The following IQGAP2 variants were observed in gnomAD, a reference collection of about 807,000 sequenced individuals.
IQGAP2 encodes the protein ras GTPase-activating-like protein IQGAP2.
IQGAP2 carries 173 observed loss-of-function variants against 201.3 expected under a neutral mutation model. That is an observed-to-expected ratio of 0.86 (90% CI 0.76 to 0.98). IQGAP2 has a LOEUF of 0.98. IQGAP2 is among the 50% of genes least tolerant of loss of function. The probability of loss-of-function intolerance (pLI) is 0.00; values close to 1 mark genes in which losing one functional copy is unlikely to be tolerated. For synonymous variants in IQGAP2, 675 were observed against 673.9 expected, an observed-to-expected ratio of 1.00 and a Z score of -0.03; for missense variants, 1,687 against 1,864.8, an observed-to-expected ratio of 0.90 and a Z score of 1.76.
chr5:76,448,714 G>A (rs897708096), intron 1 of IQGAP2, among the ~76,000 whole-genome samples: 1 of 152,116 alleles, frequency 6.6e-6, no homozygotes, highest in Admixed American at 6.6e-5. Flanking sequence ...CATTCCCATG[G>A]GTGCAGCTCT....
chr5:76,584,110 T>G (rs971304734), intron 5 of IQGAP2, among the ~76,000 whole-genome samples: 5 of 152,120 alleles, frequency 3.3e-5, no homozygotes, highest in African/African-American at 1.2e-4. Context: ...TGACCTCAAA[T>G]GATCGCCTGC....
chr5:76,619,640 C>T (rs1415090988), intron 13 of IQGAP2, among the ~76,000 whole-genome samples: 1 of 151,868 alleles, frequency 6.6e-6, no homozygotes, highest in Non-Finnish European at 1.5e-5. Flanking sequence ...CCTCAGCCTC[C>T]CCAGTAGCTG....
At chr5:76,444,052 G>C (rs994289808) in intron 1 of IQGAP2, among the ~76,000 whole-genome samples, 9 of 152,216 alleles carry the variant, frequency 5.9e-5, no homozygotes, top group African/African-American at 2.2e-4. Context: ...AAATGGGAGA[G>C]AAGGCTCTTC....
At chr5:76,628,545 C>A in intron 14 of IQGAP2, 1 of 298,586 alleles carries the variant, frequency 3.3e-6, no homozygotes, top group Non-Finnish European at 6.6e-6. Flanking sequence ...TTCTAAATTG[C>A]TATACTAACA....
At chr5:76,472,078 T>G (rs967084961) in intron 2 of IQGAP2, among the ~76,000 whole-genome samples, 17 of 152,104 alleles carry the variant, frequency 1.1e-4, no homozygotes, top group African/African-American at 3.9e-4. Flanking sequence ...GAGGGTGCAG[T>G]GAGCTGAGAG....
intron 2 of IQGAP2, among the ~76,000 whole-genome samples, chr5:76,526,794 A>G (rs1759001023): frequency 6.6e-6 from 1 of 152,204 alleles, no homozygotes; most frequent in African/African-American, 2.4e-5. Flanking sequence ...CTATTAGATT[A>G]AGGTTTAACA....
At chr5:76,692,975 T>A (rs946723833) in intron 30 of IQGAP2, among the ~76,000 whole-genome samples, 1 of 152,220 alleles carries the variant, frequency 6.6e-6, no homozygotes, top group Non-Finnish European at 1.5e-5. Flanking sequence ...AAGGAGAATA[T>A]TAGATATCAT....
At chr5:76,600,713 T>C (rs967527233) in intron 10 of IQGAP2, 99 bp from the exon 11 acceptor site, 2 of 1,423,604 alleles carry the variant, frequency 1.4e-6, no homozygotes, top group Non-Finnish European at 1.9e-6. Flanking sequence ...TCAAGTTCTT[T>C]GACTTTTTGT....
intron 2 of IQGAP2, among the ~76,000 whole-genome samples, chr5:76,481,029 C>T (rs1755754497): frequency 6.6e-6 from 1 of 150,900 alleles, no homozygotes; most frequent in Admixed American, 6.6e-5. Flanking sequence ...CTACCTAGTT[C>T]CCTCCAGCCC....
chr5:76,496,753 C>CTTTCTTTCTTTCTTTCTTTCTTTCTTTCT (rs1756970880), intron 2 of IQGAP2, among the ~76,000 whole-genome samples: 1 of 65,438 alleles, frequency 1.5e-5, no homozygotes, highest in Non-Finnish European at 2.8e-5. Flanking sequence ...TTCTTTCTTT[C>CTTTCTTTCTTTCTTTCTTTCTTTCTTTCT]TTTCTTTCTT....
intron 1 of IQGAP2, among the ~76,000 whole-genome samples, chr5:76,426,633 G>T (rs1416112788): frequency 2.0e-5 from 3 of 152,154 alleles, no homozygotes; most frequent in Non-Finnish European, 4.4e-5. Context: ...GCTTTGTGTT[G>T]TAAAGGAACT....
intron 15 of IQGAP2, among the ~76,000 whole-genome samples, chr5:76,633,039 A>G (rs1750833962): frequency 6.6e-6 from 1 of 152,126 alleles, no homozygotes; most frequent in Non-Finnish European, 1.5e-5. Context: ...CCCCTGTCTC[A>G]TCCTTCATTG....
chr5:76,527,689 A>ATCGG (rs955578074), intron 2 of IQGAP2, among the ~76,000 whole-genome samples: 1 of 152,216 alleles, frequency 6.6e-6, no homozygotes, highest in Non-Finnish European at 1.5e-5. Flanking sequence ...CATTGTGATC[A>ATCGG]TTTATAGTGA....
At chr5:76,461,547 A>G in intron 1 of IQGAP2, 23 bp from the exon 2 acceptor site, 1 of 1,552,284 alleles carries the variant, frequency 6.4e-7, no homozygotes, top group Non-Finnish European at 8.9e-7. Flanking sequence ...TGTAAATCAC[A>G]TGTTGTTATC....
At chr5:76,563,259 T>A (rs368186613) in intron 3 of IQGAP2, among the ~76,000 whole-genome samples, 2 of 151,762 alleles carry the variant, frequency 1.3e-5, no homozygotes, top group South Asian at 2.1e-4. Flanking sequence ...AGAAGAAAGA[T>A]CAACAATAAA....
intron 32 of IQGAP2, 115 bp downstream of exon 32, chr5:76,695,781 G>C: frequency 1.4e-6 from 1 of 693,934 alleles, no homozygotes; most frequent in East Asian, 2.8e-5. Flanking sequence ...ATATGCTGTG[G>C]TTACTGCCCT....
intron 2 of IQGAP2, among the ~76,000 whole-genome samples, chr5:76,545,232 C>T (rs997137451): frequency 5.3e-5 from 8 of 152,202 alleles, no homozygotes; most frequent in African/African-American, 1.4e-4. Context: ...AGAAATGGAC[C>T]GAACAGAAGT....
rs1233571459 is a variant in IQGAP2 at position 76,525,323 on chromosome 5, TC to T, written c.147-37072del. On this transcript the variant is annotated intron_variant, in intron 2 of 35. Transcript: ENST00000274364. ...TAGAATATCAGCATCATTCTTCATA[TC>T]AGCAAAATGATAAGTTGTGGTTTTG... is the stretch of plus-strand genomic sequence containing the variant. Among the ~76,000 whole-genome samples, 8 of 152,354 alleles carry T rather than the reference TC, an allele frequency of 5.3e-5. No homozygotes were observed. The East Asian group carries it at 1.5e-3, about 29-fold the overall frequency.
chr5:76,501,797 C>A (rs1325181338), intron 2 of IQGAP2, among the ~76,000 whole-genome samples: 2 of 152,030 alleles, frequency 1.3e-5, no homozygotes, highest in South Asian at 4.2e-4. Context: ...CATGCACCAC[C>A]ACACCTGGCT....
Sources: gnomAD v4.1 joint callset for allele counts (sites outside exome capture counted in the v4.1 genomes callset) on GRCh38, gnomAD v4.1.1 for gene constraint, MANE v1.5 for transcripts, NCBI Gene and HGNC (gene_info 2026-07-23, HGNC 2026-07-21) for gene names.